FBLN2: variants seen among roughly 807,000 people sequenced by gnomAD.
The protein encoded by FBLN2 is fibulin-2.
Under a neutral mutation model 123.7 loss-of-function variants are expected in FBLN2, and 81 were observed. That is an observed-to-expected ratio of 0.65 (90% CI 0.55 to 0.79). The LOEUF (loss-of-function observed/expected upper bound fraction) is 0.79, where lower values mean the gene tolerates loss of function less well. Among genes scored for constraint, FBLN2 ranks in the 30% least tolerant of loss-of-function variants. FBLN2 has a pLI of 0.00. For synonymous variants in FBLN2, 699 were observed against 701.4 expected (o/e 1.00, Z 0.05); for missense variants, 1,603 against 1,681.3 (o/e 0.95, Z 0.81).
chr3:13,614,396 TCTTTGTCTATACATCTTCCTCCCTGTCTA>T (rs1705507965), intron 5 of FBLN2, among the ~76,000 whole-genome samples: 1 of 152,112 alleles, frequency 6.6e-6, no homozygotes, highest in African/African-American at 2.4e-5. Context: ...CCCTCCCCTC[TCTTTGTCTATACATCTTCCTCCCTGTCTA>T]CTTTGTCTAT....
At chr3:13,626,725 C>G in intron 10 of FBLN2, 146 bp downstream of exon 10, 1 of 865,286 alleles carries the variant, frequency 1.2e-6, no homozygotes, top group East Asian at 2.8e-5. Context: ...AGCAAGCTCC[C>G]CTTAGTTGGG....
chr3:13,592,321 CGGCCAATGTTTTCT>C (rs1392650589), intron 2 of FBLN2, among the ~76,000 whole-genome samples: 5 of 151,962 alleles, frequency 3.3e-5, no homozygotes, highest in Admixed American at 2.6e-4. Context: ...CCACCACACC[CGGCCAATGTTTTCT>C]GGCCTCTCTT....
At position 13,629,813 on chromosome 3, in the gene FBLN2, C is replaced by T. The variant is rs758538237; in HGVS notation, c.2843-7C>T. The stretch of plus-strand genomic sequence containing the variant: ...CTACCCTGTACCTGCTGCCTGCCCT[C>T]CCACAGACGTGAATGAGTGCTGGGC... On this transcript the variant is annotated splice_region_variant and splice_polypyrimidine_tract_variant and intron_variant, in intron 13 of 17. Transcript: ENST00000404922. 4 of 1,566,240 alleles carry T rather than the reference C, an allele frequency of 2.6e-6. No individual in the cohort carries two copies. The South Asian group carries it at 4.7e-5, about 18-fold the overall frequency.
At chr3:13,609,399 C>T (rs540887851) in intron 3 of FBLN2, 114 bp from the exon 4 acceptor site, 20 of 1,248,162 alleles carry the variant, frequency 1.6e-5, no homozygotes, top group East Asian at 1.1e-4. Flanking sequence ...CCACCTGCAC[C>T]GGCTCCCTTG....
chr3:13,637,442 C>T (rs1370026508), intron 17 of FBLN2, 120 bp from the exon 18 acceptor site: 8 of 909,094 alleles, frequency 8.8e-6, no homozygotes, highest in Non-Finnish European at 1.3e-5. Context: ...CCTGAGGCTT[C>T]CCGGCCATTA....
chr3:13,560,080 C>A (rs1050393319), intron 1 of FBLN2, among the ~76,000 whole-genome samples: 1 of 152,126 alleles, frequency 6.6e-6, no homozygotes, highest in East Asian at 1.9e-4. Context: ...CCCTTCAATG[C>A]CAAAAGCAAC....
intron 9 of FBLN2, among the ~76,000 whole-genome samples, chr3:13,622,131 G>A (rs1356080913): frequency 6.6e-6 from 1 of 152,194 alleles, no homozygotes; most frequent in Non-Finnish European, 1.5e-5. Context: ...CCCCAGGGAC[G>A]TGTCTATGTG....
intron 2 of FBLN2, among the ~76,000 whole-genome samples, chr3:13,601,624 C>G (rs1380405088): frequency 6.6e-6 from 1 of 152,232 alleles, no homozygotes; most frequent in African/African-American, 2.4e-5. Flanking sequence ...CTCCTAGATT[C>G]ATTCAGCAAA....
intron 4 of FBLN2, among the ~76,000 whole-genome samples, chr3:13,612,442 G>A (rs954361444): frequency 7.3e-5 from 11 of 151,498 alleles, no homozygotes; most frequent in African/African-American, 2.7e-4. Flanking sequence ...GTGCAGTGAT[G>A]CCATCTCAGC....
At chr3:13,577,803 T>C (rs116756697) in intron 2 of FBLN2, among the ~76,000 whole-genome samples, 113 of 152,284 alleles carry the variant, frequency 7.4e-4, no homozygotes, top group African/African-American at 2.6e-3. Context: ...CCAGGTCTCA[T>C]TGCCACCAGC....
In FBLN2 at chr3:13,638,111, C is replaced by T. The variant is rs113738289; in HGVS notation, c.*192C>T. On this transcript the variant is annotated 3_prime_UTR_variant, in exon 18 of 18. Coordinates refer to ENST00000404922, the MANE Select transcript of FBLN2 (RefSeq NM_001004019.2). ...TTCCACGGCAGGTGGTGCGTTCCCA[C>T]GCAGGCACCAAGTGGAAGCTTGCAC... 60 of 669,990 alleles carry T rather than the reference C, an allele frequency of 9.0e-5. No homozygotes were observed. The highest frequency in any genetic ancestry group is 3.3e-4 in the African/African-American group (18 of 54,708). 41.5% of individuals were successfully genotyped at this position (669,990 alleles called of 1,614,324 possible).
At chr3:13,570,164 TG>T (rs1299173233) in intron 1 of FBLN2, 150 bp from the exon 2 acceptor site, 16 of 754,366 alleles carry the variant, frequency 2.1e-5, no homozygotes, top group Non-Finnish European at 3.2e-5. Flanking sequence ...AGCCTGTGTG[TG>T]TGTGTGAGGC....
intron 2 of FBLN2, among the ~76,000 whole-genome samples, chr3:13,578,705 T>C (rs760622550): frequency 4.6e-5 from 7 of 152,202 alleles, no homozygotes; most frequent in Non-Finnish European, 1.0e-4. Context: ...TGGGAACATA[T>C]CTAGGAGTGG....
chr3:13,610,583 C>T (rs574236488), intron 4 of FBLN2, among the ~76,000 whole-genome samples: 73 of 152,228 alleles, frequency 4.8e-4, no homozygotes, highest in African/African-American at 1.7e-3. Context: ...TGAGAGCTTT[C>T]GGCTTCAAGC....
At chr3:13,565,059 A>G (rs936994735) in intron 1 of FBLN2, among the ~76,000 whole-genome samples, 1 of 152,150 alleles carries the variant, frequency 6.6e-6, no homozygotes, top group African/African-American at 2.4e-5. Flanking sequence ...GCAGGTCTCT[A>G]GGAGACTCAC....
intron 1 of FBLN2, among the ~76,000 whole-genome samples, chr3:13,569,344 T>G (rs1703846880): frequency 6.6e-6 from 1 of 151,912 alleles, no homozygotes; most frequent in Non-Finnish European, 1.5e-5. Flanking sequence ...GGGCGGGCTG[T>G]GGGGCCGTGG....
At chr3:13,631,623 C>T (rs1014429113) in intron 16 of FBLN2, among the ~76,000 whole-genome samples, 166 bp downstream of exon 16, 59 of 152,322 alleles carry the variant, frequency 3.9e-4, no homozygotes, top group African/African-American at 1.4e-3. Context: ...GAGGTTGTGC[C>T]TGGGATGAAG....
intron 2 of FBLN2, among the ~76,000 whole-genome samples, chr3:13,582,208 G>A (rs771892831): frequency 5.8e-4 from 88 of 152,130 alleles, no homozygotes; most frequent in Non-Finnish European, 2.4e-4. Flanking sequence ...GGCGGCCTTC[G>A]AGCCCTGGGC....
intron 5 of FBLN2, among the ~76,000 whole-genome samples, chr3:13,617,578 CCCATCCATCCATCCAT>C (rs57191985): frequency 8.5e-4 from 101 of 119,492 alleles, no homozygotes; most frequent in African/African-American, 2.0e-3. Context: ...AACCCATCCA[CCCATCCATCCATCCAT>C]CCATCCATCC....
Sources: allele counts gnomAD v4.1 joint callset (sites outside exome capture counted in the v4.1 genomes callset), GRCh38; gene constraint gnomAD v4.1.1; transcripts MANE v1.5; gene names NCBI Gene and HGNC (gene_info 2026-07-23, HGNC 2026-07-21).